DYNC2I1: variants seen among roughly 807,000 people sequenced by gnomAD.
DYNC2I1 encodes the protein dynein 2 intermediate chain 1.
In DYNC2I1, 89 loss-of-function variants were observed where a neutral mutation model predicts 133.4. That is an observed-to-expected ratio of 0.67 (90% CI 0.56 to 0.80). The LOEUF (loss-of-function observed/expected upper bound fraction) is 0.80. DYNC2I1 is among the 30% of genes least tolerant of loss of function. The pLI is 0.00. For synonymous variants in DYNC2I1, 504 were observed against 484.3 expected, an observed-to-expected ratio of 1.04 and a Z score of -0.54; for missense variants, 1,291 against 1,314.5, an observed-to-expected ratio of 0.98 and a Z score of 0.28.
At chr7:158,876,146 G>T (rs1843336014) in intron 3 of DYNC2I1, among the ~76,000 whole-genome samples, 1 of 152,204 alleles carries the variant, frequency 6.6e-6, no homozygotes, top group African/African-American at 2.4e-5. Flanking sequence ...GAGACTTACA[G>T]TCTTAGGAGA....
At chr7:158,883,158 C>T (rs1188955336) in intron 5 of DYNC2I1, among the ~76,000 whole-genome samples, 2 of 151,284 alleles carry the variant, frequency 1.3e-5, no homozygotes, top group African/African-American at 2.4e-5. Context: ...GGACTGTTCC[C>T]GGGGATGGAT....
intron 10 of DYNC2I1, among the ~76,000 whole-genome samples, chr7:158,905,554 T>C (rs1012395852): frequency 2.6e-5 from 4 of 152,266 alleles, no homozygotes; most frequent in Non-Finnish European, 4.4e-5. Flanking sequence ...CTTCATTCTC[T>C]TTTGTTTCGT....
chr7:158,893,935 T>A (rs57749831), intron 8 of DYNC2I1, among the ~76,000 whole-genome samples: 33,312 of 150,984 alleles, frequency 0.22, 3,765 homozygotes, highest in Middle Eastern at 0.27. Flanking sequence ...ATCATAGTGC[T>A]TATTCTACTG....
At position 158,906,078 on chromosome 7, in the gene DYNC2I1, G is replaced by A. The variant is rs1285608980; in HGVS notation, c.1447G>A (p.Ala483Thr). The A allele has an allele frequency of 1.2e-6, 2 of 1,613,444 alleles. No homozygotes were observed. Among genetic ancestry groups the A allele is most frequent in the Non-Finnish European group, 1.7e-6 (2 of 1,179,620 alleles). Residue 483 changes from alanine (A) to threonine (T), a missense_variant, in exon 11 of 25, where the codon GCC (alanine) becomes ACC (threonine). Physicochemically the swap from Ala to Thr is moderately conservative, Grantham distance 58. Coordinates refer to ENST00000407559, the MANE Select transcript of DYNC2I1 (RefSeq NM_018051.5). ...ASHRQKSRTQALKQKMRSTKL... is the reference protein window; with the variant it reads ...ASHRQKSRTQTLKQKMRSTKL... ...ACACCGTCAAAAGAGTCGGACTCAGGCCCTTAAGCAAAAGTAGGTGTATTG... is the reference window on the plus strand; with the variant it reads ...ACACCGTCAAAAGAGTCGGACTCAGACCCTTAAGCAAAAGTAGGTGTATTG...
upstream of DYNC2I1, among the ~76,000 whole-genome samples, chr7:158,856,205 CA>C (rs1273313707): frequency 6.6e-6 from 1 of 152,146 alleles, no homozygotes; most frequent in Non-Finnish European, 1.5e-5. Flanking sequence ...CTCCGCCTCC[CA>C]AAGTGCTGGG....
chr7:158,863,604 C>T (rs1333723032), intron 1 of DYNC2I1, among the ~76,000 whole-genome samples: 72 of 114,238 alleles, frequency 6.3e-4, no homozygotes, highest in Non-Finnish European at 1.1e-3. Context: ...GTGAGCCGGA[C>T]GTCCTTAGCT....
intron 1 of DYNC2I1, among the ~76,000 whole-genome samples, chr7:158,867,555 C>T (rs569817166): frequency 1.2e-4 from 19 of 152,176 alleles, no homozygotes; most frequent in African/African-American, 3.6e-4. Flanking sequence ...CTCCAGGTGG[C>T]GGCGAGGGTG....
chr7:158,939,584 A>G (rs919487106), intron 23 of DYNC2I1, among the ~76,000 whole-genome samples: 4 of 152,348 alleles, frequency 2.6e-5, no homozygotes, highest in African/African-American at 9.6e-5. Flanking sequence ...TTAAGCAGAA[A>G]TCAAGCAACA....
chr7:158,956,099 T>G (rs1447171569), intron 4 of DYNC2I1, among the ~76,000 whole-genome samples: 1 of 152,188 alleles, frequency 6.6e-6, no homozygotes, highest in African/African-American at 2.4e-5. Flanking sequence ...AATCTGTTTT[T>G]CTCTCATGTG....
downstream of DYNC2I1, among the ~76,000 whole-genome samples, chr7:158,946,779 AC>A (rs1358264653): frequency 6.6e-6 from 1 of 152,060 alleles, no homozygotes; most frequent in African/African-American, 2.4e-5. Context: ...CTGTCCCATC[AC>A]CCTCCTAGAA....
chr7:158,936,303 T>C (rs919988546), intron 23 of DYNC2I1, among the ~76,000 whole-genome samples: 3 of 146,582 alleles, frequency 2.0e-5, no homozygotes, highest in African/African-American at 7.6e-5. Flanking sequence ...ACCAAATACA[T>C]AGCACCAAGA....
upstream of DYNC2I1, among the ~76,000 whole-genome samples, chr7:158,854,587 C>G (rs1489833058): frequency 1.3e-5 from 2 of 151,888 alleles, no homozygotes; most frequent in Non-Finnish European, 1.5e-5. Context: ...CATGTGTATA[C>G]CTATGTAACA....
At chr7:158,857,672 G>A (rs1261050820) in intron 1 of DYNC2I1, among the ~76,000 whole-genome samples, 1 of 151,284 alleles carries the variant, frequency 6.6e-6, no homozygotes, top group East Asian at 1.9e-4. Flanking sequence ...CGAGTAGGTG[G>A]GATTACAGAT....
Position 158,942,062 on chromosome 7 carries a change from G to A in DYNC2I1, c.2916G>A (p.Val972=), listed in dbSNP as rs764966757. The change falls in exon 24 of 25, where the codon GTG becomes GTA. Residue 972 remains valine, a synonymous_variant. Coordinates refer to ENST00000407559, the MANE Select transcript of DYNC2I1 (RefSeq NM_018051.5). The part of the protein sequence containing the change: ...WSPTRPAVFL[V]QDDTSNIYIW... The stretch of plus-strand genomic sequence containing the variant: ...CAACCAGGCCTGCCGTGTTCCTGGT[G>A]CAGGACGACACATCCAACATCTACA... 3.7e-6 allele frequency: 6 copies of A among 1,612,310 alleles called. No homozygotes were observed. Among genetic ancestry groups the A allele is most frequent in the African/African-American group, 2.7e-5 (2 of 74,908 alleles).
At chr7:158,914,801 C>T (rs1225506577) in intron 14 of DYNC2I1, among the ~76,000 whole-genome samples, 1 of 152,182 alleles carries the variant, frequency 6.6e-6, no homozygotes, top group Non-Finnish European at 1.5e-5. Context: ...CCCCCCTGCC[C>T]ACTCCACCAC....
the DYNC2I1 span, among the ~76,000 whole-genome samples, chr7:158,839,388 T>G: frequency 6.9e-6 from 1 of 145,420 alleles, no homozygotes; most frequent in African/African-American, 2.6e-5. Flanking sequence ...CTGCAAAACC[T>G]AAAGAGGATG....
At chr7:158,865,847 C>T (rs374374294) in intron 1 of DYNC2I1, among the ~76,000 whole-genome samples, 55 of 152,210 alleles carry the variant, frequency 3.6e-4, no homozygotes, top group African/African-American at 1.3e-3. Context: ...CCGACAGCAC[C>T]GGGGCAGGGA....
intron 15 of DYNC2I1, among the ~76,000 whole-genome samples, chr7:158,921,525 C>T (rs6943556): frequency 0.17 from 26,435 of 152,024 alleles, 2,543 homozygotes; most frequent in African/African-American, 0.23. Context: ...CTATTAAATA[C>T]GGCAGCTGGA....
At chr7:158,856,908 G>A (rs1200275480) in intron 1 of DYNC2I1, among the ~76,000 whole-genome samples, 158 bp downstream of exon 1, 1 of 152,050 alleles carries the variant, frequency 6.6e-6, no homozygotes, top group Non-Finnish European at 1.5e-5. Flanking sequence ...GGCAGGAAGG[G>A]AAACGGAGGC....
Sources: gnomAD v4.1 joint callset for allele counts (sites outside exome capture counted in the v4.1 genomes callset) on GRCh38, gnomAD v4.1.1 for gene constraint, MANE v1.5 for transcripts, NCBI Gene and HGNC (gene_info 2026-07-23, HGNC 2026-07-21) for gene names.